RASSF5: variants seen among roughly 807,000 people sequenced by gnomAD.
RASSF5 encodes the protein Ras association domain family member 5.
Under a neutral mutation model 40.5 loss-of-function variants are expected in RASSF5, and 25 were observed. The observed-to-expected ratio is 0.62, with a 90% CI of 0.45 to 0.86. The LOEUF is 0.86. Among genes scored for constraint, RASSF5 ranks in the 40% least tolerant of loss-of-function variants. The pLI, the probability that RASSF5 is intolerant of heterozygous loss-of-function variation, is 0.00. For synonymous variants in RASSF5, 246 were observed against 252.4 expected (o/e 0.97, Z 0.24); for missense variants, 521 against 572.8 (o/e 0.91, Z 0.92).
At position 206,584,882 on chromosome 1, in the gene RASSF5, TCAGGAAAACCA is replaced by T; in HGVS notation, c.988+201_988+211del. Reference sequence around the variant, plus strand: ...AGAGTCCCTGACTCTGCATGTGACTTCAGGAAAACCACACCCTAGGCTCCCATTTCCTGATC... The same window carrying T: ...AGAGTCCCTGACTCTGCATGTGACTTCACCCTAGGCTCCCATTTCCTGATC... On this transcript the variant is annotated intron_variant, in intron 4 of 5. Coordinates refer to ENST00000579436, the MANE Select transcript of RASSF5 (RefSeq NM_182663.4). This position sits in a 1 kb window ranked among gnomAD's most constrained non-coding sequence, Gnocchi z 4.9. 1.6e-6 allele frequency: 1 copy of T among 630,800 alleles called. No homozygotes were observed. Among genetic ancestry groups the T allele is most frequent in the Non-Finnish European group, 2.7e-6 (1 of 363,774 alleles). 39.1% of individuals were successfully genotyped at this position (630,800 alleles called of 1,614,324 possible). A position where few individuals can be genotyped will look rare whatever the true frequency, so the allele number is the denominator to read the frequency against.
At chr1:206,551,716 T>C (rs1355104898) in intron 2 of RASSF5, among the ~76,000 whole-genome samples, 1 of 152,256 alleles carries the variant, frequency 6.6e-6, no homozygotes, top group East Asian at 1.9e-4. Flanking sequence ...GACATTTCTC[T>C]GGGCTCTTCA....
chr1:206,513,552 C>T lies in RASSF5; in HGVS notation c.457+5493C>T, dbSNP rs1265980961. On this transcript the variant is annotated intron_variant, in intron 1 of 5. Coordinates refer to ENST00000579436, the MANE Select transcript of RASSF5 (RefSeq NM_182663.4). The surrounding 1 kb of genome is among the most constrained non-coding windows in gnomAD (Gnocchi z 5.0). ...GATGCTTTCTGCCTCCCTGCAGGGT[C>T]TCGCTCTGTCTCTGCTGACTCTGGG... Among the ~76,000 whole-genome samples the T allele has an allele frequency of 1.3e-5, 2 of 152,230 alleles. No homozygotes were observed. Among genetic ancestry groups the T allele is most frequent in the East Asian group, 1.9e-4 (1 of 5,204 alleles).
Position 206,577,237 on chromosome 1 carries a change from T to G in RASSF5, c.580-6032T>G, listed in dbSNP as rs572467772. ...ACCTAACATTTACTGTCTGACCCTT[T>G]ACAGAAAAAGTTTGCCAACCACTGG... On this transcript the variant is annotated intron_variant, in intron 2 of 5. Coordinates refer to ENST00000579436, the MANE Select transcript of RASSF5 (RefSeq NM_182663.4). Among the ~76,000 whole-genome samples the G allele has an allele frequency of 2.0e-5, 3 of 152,268 alleles. No individual in the cohort carries two copies. In the East Asian group the frequency reaches 5.8e-4, roughly 29 times the overall value.
intron 1 of RASSF5, among the ~76,000 whole-genome samples, chr1:206,533,444 A>C (rs1667297748): frequency 6.6e-6 from 1 of 152,170 alleles, no homozygotes; most frequent in Non-Finnish European, 1.5e-5. Flanking sequence ...GGCTTTCCCC[A>C]AAAATGATAT....
chr1:206,522,471 G>A (rs1054827789), intron 1 of RASSF5, among the ~76,000 whole-genome samples: 3 of 152,100 alleles, frequency 2.0e-5, no homozygotes, highest in South Asian at 2.1e-4. Flanking sequence ...ATGTGGTGTC[G>A]GAGGGTCCAG....
At chr1:206,510,272 A>G (rs938111121) in intron 1 of RASSF5, among the ~76,000 whole-genome samples, 1 of 152,176 alleles carries the variant, frequency 6.6e-6, no homozygotes, top group Non-Finnish European at 1.5e-5. Flanking sequence ...AAATCATACT[A>G]TGCAGTAGTT....
At chr1:206,519,169 G>A (rs56693354) in intron 1 of RASSF5, among the ~76,000 whole-genome samples, 5,686 of 152,246 alleles carry the variant, frequency 0.037, 353 homozygotes, top group African/African-American at 0.13. Flanking sequence ...GCATAGCGGT[G>A]AGTGAAAGAT....
At chr1:206,585,717 G>C (rs1669086701) in intron 5 of RASSF5, 1 of 161,992 alleles carries the variant, frequency 6.2e-6, no homozygotes, top group Non-Finnish European at 1.4e-5. Context: ...CATCCCCCAA[G>C]GGGAGCTAAC....
rs1387139606 is a variant in RASSF5 at position 206,531,906 on chromosome 1, G to T, written c.458-6266G>T. On this transcript the variant is annotated intron_variant, in intron 1 of 5. Coordinates refer to ENST00000579436, the MANE Select transcript of RASSF5 (RefSeq NM_182663.4). This position sits in a 1 kb window ranked among gnomAD's most constrained non-coding sequence, Gnocchi z 4.7. The stretch of plus-strand genomic sequence containing the variant: ...AATAAATAAATAAATACAAAAATTA[G>T]CCAGGCATGGTGGCGGGTGCCTGTA... Among the ~76,000 whole-genome samples, 1 of 151,848 alleles carries T rather than the reference G, an allele frequency of 6.6e-6. No individual in the cohort carries two copies. Among genetic ancestry groups the T allele is most frequent in the Non-Finnish European group, 1.5e-5 (1 of 67,958 alleles).
chr1:206,542,332 C>T (rs782291264), intron 2 of RASSF5: 5 of 152,158 alleles, frequency 3.3e-5, no homozygotes, highest in African/African-American at 9.7e-5. Context: ...TTAGTTCACA[C>T]AAGAGCTGGT....
chr1:206,524,465 A>G (rs36101353), intron 1 of RASSF5, among the ~76,000 whole-genome samples: 3,678 of 139,264 alleles, frequency 0.026, 83 homozygotes, highest in Middle Eastern at 0.1. Flanking sequence ...TATTATATAT[A>G]TAAATATATA....
In RASSF5 at chr1:206,560,974, C is replaced by T. The variant is rs1468726943; in HGVS notation, c.580-22295C>T. On this transcript the variant is annotated intron_variant, in intron 2 of 5. Transcript: ENST00000579436. This position sits in a 1 kb window ranked among gnomAD's most constrained non-coding sequence, Gnocchi z 5.1. ...GATCTGACCCTGGAAGTGGGGCCAGCTTCCATTCTTATCAATTTCCCAAAT... is the reference window on the plus strand; with the variant it reads ...GATCTGACCCTGGAAGTGGGGCCAGTTTCCATTCTTATCAATTTCCCAAAT... 6.6e-6 allele frequency among the ~76,000 whole-genome samples: 1 copy of T among 152,208 alleles called. No individual in the cohort carries two copies. Among genetic ancestry groups the T allele is most frequent in the Non-Finnish European group, 1.5e-5 (1 of 68,032 alleles).
chr1:206,557,378 TCGCACCC>T, intron 2 of RASSF5: 1 of 1,352,458 alleles, frequency 7.4e-7, no homozygotes, highest in Non-Finnish European at 9.5e-7. Context: ...GCCCGAGCGC[TCGCACCC>T]CGCTGAAAGA....
intron 1 of RASSF5, among the ~76,000 whole-genome samples, chr1:206,509,159 C>T (rs1259205330): frequency 2.0e-5 from 3 of 152,248 alleles, no homozygotes; most frequent in African/African-American, 4.8e-5. Flanking sequence ...AGGCCCTTCC[C>T]CTATGGCAGC....
intron 2 of RASSF5, among the ~76,000 whole-genome samples, chr1:206,562,613 CCAA>C (rs778822894): frequency 2.0e-4 from 30 of 152,148 alleles, no homozygotes; most frequent in Non-Finnish European, 4.0e-4. Context: ...TCCTTCAGGT[CCAA>C]CAACATCAAG....
chr1:206,528,165 AT>A (rs1395215418), intron 1 of RASSF5, among the ~76,000 whole-genome samples: 1 of 152,118 alleles, frequency 6.6e-6, no homozygotes. Context: ...ATAAGAAGAA[AT>A]GAGTTGTCAA....
intron 1 of RASSF5, chr1:206,529,634 T>C: frequency 1.3e-6 from 1 of 765,236 alleles, no homozygotes; most frequent in Non-Finnish European, 2.4e-6. Flanking sequence ...ATGTCCTGGG[T>C]CCCAAGTCTG....
At position 206,548,858 on chromosome 1, in the gene RASSF5, C is replaced by G. The variant is rs565836892; in HGVS notation, c.579+10565C>G. On this transcript the variant is annotated intron_variant, in intron 2 of 5. Transcript: ENST00000579436. ...AAAATTCTCTTTTCTTTCTGTGGTT[C>G]ATTTTGTTTTGTTTTATTTTGTTTT... Among the ~76,000 whole-genome samples the G allele has an allele frequency of 8.5e-5, 13 of 152,056 alleles. No individual in the cohort carries two copies. The East Asian group carries it at 2.5e-3, about 29-fold the overall frequency.
chr1:206,517,929 G>T (rs1292869951), intron 1 of RASSF5, among the ~76,000 whole-genome samples: 2 of 152,062 alleles, frequency 1.3e-5, no homozygotes, highest in African/African-American at 4.8e-5. Context: ...ATTAGCCCCA[G>T]TTTGTCCCTT....
Sources: allele counts gnomAD v4.1 joint callset (sites outside exome capture counted in the v4.1 genomes callset), GRCh38; gene constraint gnomAD v4.1.1; non-coding constraint Gnocchi (gnomAD v3.1); transcripts MANE v1.5; gene names NCBI Gene and HGNC (gene_info 2026-07-23, HGNC 2026-07-21).